Variants in COA1 observed in about 807,000 individuals in gnomAD.
COA1 encodes the protein cytochrome c oxidase assembly factor 1 homolog.
Under a neutral mutation model 16.0 loss-of-function variants are expected in COA1, and 13 were observed. That is an observed-to-expected ratio of 0.81 (90% CI 0.53 to 1.29). The LOEUF is 1.29. Among genes scored for constraint, COA1 ranks in the 50% most tolerant of loss-of-function variants. The pLI is 0.00. For synonymous variants in COA1, 65 were observed against 65.7 expected (o/e 0.99, Z 0.05); for missense variants, 179 against 177.0 (o/e 1.01, Z -0.06).
intron 1 of COA1, among the ~76,000 whole-genome samples, chr7:43,692,226 A>C (rs1288981923): frequency 6.6e-6 from 1 of 152,202 alleles, no homozygotes. Context: ...TTTAAAAATC[A>C]AACTTTCCTG....
intron 1 of COA1, among the ~76,000 whole-genome samples, chr7:43,676,575 A>ATTCTAGTG (rs2093528624): frequency 6.6e-6 from 1 of 152,200 alleles, no homozygotes; most frequent in African/African-American, 2.4e-5. Flanking sequence ...AGAACAGAAG[A>ATTCTAGTG]TTCTAGTGTT....
intron 1 of COA1, among the ~76,000 whole-genome samples, chr7:43,715,620 T>C (rs1451639056): frequency 1.3e-5 from 2 of 152,256 alleles, no homozygotes; most frequent in Non-Finnish European, 2.9e-5. Flanking sequence ...CATTTCATGT[T>C]GAAGTATCCC....
At chr7:43,729,258 C>T (rs2095690230) in intron 1 of COA1, among the ~76,000 whole-genome samples, 171 bp downstream of exon 1, 1 of 152,246 alleles carries the variant, frequency 6.6e-6, no homozygotes, top group South Asian at 2.1e-4. Flanking sequence ...GCCAAAGAAG[C>T]TGCGCAGGGA....
intron 1 of COA1, among the ~76,000 whole-genome samples, chr7:43,671,449 T>C (rs1354568426): frequency 2.6e-5 from 4 of 150,980 alleles, no homozygotes; most frequent in Non-Finnish European, 4.4e-5. Context: ...CAATTAAAAA[T>C]GAACAAAGAA....
At chr7:43,686,585 C>T (rs76578009) in intron 1 of COA1, among the ~76,000 whole-genome samples, 7 of 152,286 alleles carry the variant, frequency 4.6e-5, no homozygotes, top group South Asian at 2.1e-4. Flanking sequence ...TGAGCCACCG[C>T]GCCCGGCCGG....
At chr7:43,721,991 T>C (rs849168) in intron 1 of COA1, among the ~76,000 whole-genome samples, 66,545 of 151,908 alleles carry the variant, frequency 0.44, 15,135 homozygotes, top group African/African-American at 0.57. Context: ...AAGACTACCA[T>C]TGCACACCAG....
At chr7:43,650,644 C>T (rs3180524) in intron 1 of COA1, 125,704 of 152,068 alleles carry the variant, frequency 0.83, 52,389 homozygotes, top group African/African-American at 0.94. Context: ...CAGCTGCTAA[C>T]ACACGAAGCC....
At chr7:43,680,855 C>G (rs1410993823) in intron 1 of COA1, among the ~76,000 whole-genome samples, 1 of 151,878 alleles carries the variant, frequency 6.6e-6, no homozygotes, top group Non-Finnish European at 1.5e-5. Flanking sequence ...CCTGTAGTTG[C>G]AGCTACTCGG....
At chr7:43,708,455 T>C (rs1008943162) in intron 1 of COA1, among the ~76,000 whole-genome samples, 1 of 146,816 alleles carries the variant, frequency 6.8e-6, no homozygotes, top group African/African-American at 2.4e-5. Flanking sequence ...AGCAAGACCT[T>C]TTCTAAAAAA....
At chr7:43,647,849 C>T (rs2089843148) in intron 2 of COA1, 1 of 561,208 alleles carries the variant, frequency 1.8e-6, no homozygotes, top group Non-Finnish European at 3.2e-6. Flanking sequence ...TGGCCCATGT[C>T]CAGGACCCAT....
chr7:43,700,062 C>T (rs1162728745), intron 1 of COA1, among the ~76,000 whole-genome samples: 2 of 151,738 alleles, frequency 1.3e-5, no homozygotes, highest in African/African-American at 4.8e-5. Flanking sequence ...ATTCATACGG[C>T]AAAAAAACAA....
intron 6 of COA1, chr7:43,624,922 A>G (rs2084338491): frequency 3.2e-6 from 4 of 1,251,788 alleles, no homozygotes; most frequent in Admixed American, 2.4e-5. Flanking sequence ...CAAATGGTAC[A>G]TGTACTGGAA....
chr7:43,727,397 G>A (rs1458521289), intron 1 of COA1, among the ~76,000 whole-genome samples: 1 of 152,116 alleles, frequency 6.6e-6, no homozygotes, highest in African/African-American at 2.4e-5. Flanking sequence ...AAAACATGAT[G>A]TCCACACAAA....
intron 1 of COA1, among the ~76,000 whole-genome samples, chr7:43,659,819 A>T (rs897111844): frequency 1.3e-5 from 2 of 152,124 alleles, no homozygotes; most frequent in African/African-American, 4.8e-5. Flanking sequence ...CCCAAAATTC[A>T]TATGTTGAAG....
At chr7:43,711,899 T>C (rs760768625) in intron 1 of COA1, among the ~76,000 whole-genome samples, 4 of 152,170 alleles carry the variant, frequency 2.6e-5, no homozygotes, top group Non-Finnish European at 4.4e-5. Context: ...TGACTGAACA[T>C]ATAATATATA....
Position 43,611,005 on chromosome 7 carries a change from T to C in COA1, c.*134-1510A>G, listed in dbSNP as rs569545090. Among the ~76,000 whole-genome samples the C allele has an allele frequency of 1.1e-4, 16 of 152,202 alleles. No homozygotes were observed. In the East Asian group the frequency reaches 2.7e-3, roughly 26 times the overall value. On this transcript the variant is annotated intron_variant and NMD_transcript_variant, in intron 6 of 6. Coordinates refer to the COA1 transcript ENST00000415076. ...GGTGGCAGGCACCTGTAATCCCAGC[T>C]ACTTGGGAGGCTGAGGCAGGAGAAT...
chr7:43,663,687 A>AAACACACACAC (rs1554519874), intron 1 of COA1, among the ~76,000 whole-genome samples: 1 of 129,264 alleles, frequency 7.7e-6, no homozygotes, highest in African/African-American at 2.7e-5. Flanking sequence ...AAAAAAAAAA[A>AAACACACACAC]ACACACACAC....
intron 1 of COA1, among the ~76,000 whole-genome samples, chr7:43,727,410 C>G (rs849173): frequency 0.44 from 66,633 of 152,106 alleles, 15,163 homozygotes; most frequent in African/African-American, 0.57. Context: ...CACACAAAAA[C>G]TTGTAGGTGA....
At chr7:43,684,665 T>A (rs2093934641) in intron 1 of COA1, among the ~76,000 whole-genome samples, 5 of 152,176 alleles carry the variant, frequency 3.3e-5, no homozygotes, top group Non-Finnish European at 4.4e-5. Flanking sequence ...GAAAATAACA[T>A]GTCTGGAAAG....
Sources: allele counts gnomAD v4.1 joint callset (sites outside exome capture counted in the v4.1 genomes callset), GRCh38; gene constraint gnomAD v4.1.1; transcripts MANE v1.5; gene names NCBI Gene and HGNC (gene_info 2026-07-23, HGNC 2026-07-21).